The following BTRC variants were observed in gnomAD, a reference collection of about 807,000 sequenced individuals.
BTRC encodes beta-transducin repeat containing E3 ubiquitin protein ligase.
A neutral mutation model predicts 85.5 loss-of-function variants in BTRC; 42 were observed. The observed-to-expected ratio is 0.49, with a 90% CI of 0.38 to 0.64. The LOEUF (loss-of-function observed/expected upper bound fraction) is 0.64, where lower values mean the gene tolerates loss of function less well. BTRC is among the 30% of genes least tolerant of loss of function. The pLI is 0.00. For synonymous variants in BTRC, 255 were observed against 263.3 expected (o/e 0.97, Z 0.30); for missense variants, 594 against 743.5 (o/e 0.80, Z 2.34).
rs1038550966 is a variant in BTRC, at chr10:101,521,956, C to A, written c.556+86C>A. ...CAGCTATATATCTCTCTTTAAAAGTCTTTATTGGCTTGATTTTTACAAATT... is the reference window on the plus strand; with the variant it reads ...CAGCTATATATCTCTCTTTAAAAGTATTTATTGGCTTGATTTTTACAAATT... On this transcript the variant is annotated intron_variant, in intron 5 of 14. Transcript: ENST00000370187. 7.3e-6 allele frequency: 5 copies of A among 684,598 alleles called. No individual in the cohort carries two copies. In the Admixed American group the frequency reaches 1.5e-4, roughly 21 times the overall value. The allele number at this position is 684,598 out of a possible 1,614,324, so 42.4% of individuals were successfully genotyped here.
chr10:101,439,592 T>A (rs985118400), intron 2 of BTRC, among the ~76,000 whole-genome samples: 1 of 152,210 alleles, frequency 6.6e-6, no homozygotes, highest in Non-Finnish European at 1.5e-5. Flanking sequence ...TGTTTGCAGT[T>A]CATTCCTTTC....
chr10:101,396,435 A>G (rs1943364641), intron 1 of BTRC, among the ~76,000 whole-genome samples: 2 of 146,636 alleles, frequency 1.4e-5, no homozygotes, highest in South Asian at 4.3e-4. Context: ...TGGTAGAGAC[A>G]TGGTCTCACT....
intron 2 of BTRC, among the ~76,000 whole-genome samples, chr10:101,444,494 A>T (rs562675532): frequency 4.8e-4 from 73 of 152,256 alleles, no homozygotes; most frequent in African/African-American, 1.7e-3. Flanking sequence ...TTTTTCACAG[A>T]GTGTGGTAAC....
At chr10:101,418,699 A>G (rs1018719419) in intron 1 of BTRC, among the ~76,000 whole-genome samples, 5 of 151,656 alleles carry the variant, frequency 3.3e-5, no homozygotes, top group Admixed American at 1.3e-4. Flanking sequence ...AACAAAAATT[A>G]TTATTATTAT....
chr10:101,550,525 G>A (rs559942532), intron 13 of BTRC, among the ~76,000 whole-genome samples, 174 bp from the exon 14 acceptor site: 22 of 152,102 alleles, frequency 1.4e-4, no homozygotes, highest in African/African-American at 4.6e-4. Flanking sequence ...CTCGTGATCC[G>A]CATGCCTCAG....
Position 101,385,618 on chromosome 10 carries a change from C to CTTTTTTTTTTTTTTTTTTTTTTTTTT in BTRC, c.48+31405_48+31406insTTTTTTTTTTTTTTTTTTTTTTTTTT, listed in dbSNP as rs36030307. The stretch of plus-strand genomic sequence containing the variant: ...TCTTTGTTCTTTCTTTCTTCTTCTT[C>CTTTTTTTTTTTTTTTTTTTTTTTTTT]TTTTTTTTTTTTTTTGTGTGTTCTT... On this transcript the variant is annotated intron_variant, in intron 1 of 14. Transcript: ENST00000370187. Among the ~76,000 whole-genome samples, 69 of 79,766 alleles carry CTTTTTTTTTTTTTTTTTTTTTTTTTT rather than the reference C, an allele frequency of 8.7e-4. 1 individual carries two copies. Among genetic ancestry groups the CTTTTTTTTTTTTTTTTTTTTTTTTTT allele is most frequent in the Middle Eastern group, 8.6e-3 (1 of 116 alleles). 52.3% of individuals were successfully genotyped at this position (79,766 alleles called of 152,430 possible). A position where few individuals can be genotyped will look rare whatever the true frequency, so the allele number is the denominator to read the frequency against.
At chr10:101,502,784 A>G (rs1047478543) in intron 4 of BTRC, among the ~76,000 whole-genome samples, 2 of 152,198 alleles carry the variant, frequency 1.3e-5, no homozygotes, top group Admixed American at 6.5e-5. Flanking sequence ...GCTGTTATAT[A>G]GATACTGAAA....
chr10:101,496,560 C>T lies in BTRC; in HGVS notation c.324+17103C>T, dbSNP rs188011094. ...CCTCCCAAAGTGCTGGAATTACTGACTTTTTTTAAAATTGCAATTTAAAAA... is the reference window on the plus strand; with the variant it reads ...CCTCCCAAAGTGCTGGAATTACTGATTTTTTTTAAAATTGCAATTTAAAAA... On this transcript the variant is annotated intron_variant, in intron 4 of 14. Coordinates refer to ENST00000370187, the MANE Select transcript of BTRC (RefSeq NM_033637.4). Among the ~76,000 whole-genome samples, 67 of 152,132 alleles carry T rather than the reference C, an allele frequency of 4.4e-4. 1 individual carries two copies. Among genetic ancestry groups the T allele is most frequent in the Non-Finnish European group, 2.9e-5 (2 of 68,014 alleles).
intron 1 of BTRC, among the ~76,000 whole-genome samples, chr10:101,426,932 C>T (rs1372616905): frequency 1.3e-5 from 2 of 151,906 alleles, no homozygotes; most frequent in Non-Finnish European, 2.9e-5. Context: ...GATTTTCTTC[C>T]ACTATTTCCT....
intron 1 of BTRC, among the ~76,000 whole-genome samples, chr10:101,423,160 C>A (rs1944153274): frequency 6.6e-6 from 1 of 152,088 alleles, no homozygotes; most frequent in African/African-American, 2.4e-5. Flanking sequence ...GCAGTCCTCC[C>A]ACCTTGGCCT....
At chr10:101,397,803 T>A (rs541808340) in intron 1 of BTRC, among the ~76,000 whole-genome samples, 2 of 152,330 alleles carry the variant, frequency 1.3e-5, no homozygotes, top group East Asian at 3.8e-4. Flanking sequence ...TGGTAAGGCA[T>A]CACATGCAGC....
chr10:101,477,700 A>C (rs990370998), intron 3 of BTRC, among the ~76,000 whole-genome samples: 36 of 152,014 alleles, frequency 2.4e-4, no homozygotes, highest in Middle Eastern at 3.4e-3. Context: ...CCCAGGCTGG[A>C]GTGCAGTGGC....
chr10:101,479,608 T>C, intron 4 of BTRC, 151 bp downstream of exon 4: 3 of 531,372 alleles, frequency 5.6e-6, no homozygotes, highest in Non-Finnish European at 9.5e-6. Flanking sequence ...TAGAACAGAT[T>C]GCAAGTTAGA....
At chr10:101,413,096 A>G (rs1943827021) in intron 1 of BTRC, among the ~76,000 whole-genome samples, 1 of 152,152 alleles carries the variant, frequency 6.6e-6, no homozygotes, top group African/African-American at 2.4e-5. Context: ...TTATTAACAT[A>G]AATGAGGGAA....
intron 3 of BTRC, among the ~76,000 whole-genome samples, chr10:101,477,899 C>T (rs879794602): frequency 9.9e-5 from 15 of 152,124 alleles, no homozygotes; most frequent in South Asian, 4.1e-4. Flanking sequence ...ATCTTCCCAC[C>T]TCGGCTTCCC....
intron 4 of BTRC, among the ~76,000 whole-genome samples, chr10:101,500,978 G>A (rs1162782586): frequency 3.3e-5 from 5 of 152,156 alleles, no homozygotes; most frequent in African/African-American, 1.2e-4. Context: ...TGGATCACCT[G>A]AGGTCAAGGA....
At chr10:101,446,981 A>G (rs1267032879) in intron 2 of BTRC, among the ~76,000 whole-genome samples, 1 of 124,078 alleles carries the variant, frequency 8.1e-6, no homozygotes, top group Non-Finnish European at 1.6e-5. Flanking sequence ...AGTCTGGGGC[A>G]TGAATACTGT....
chr10:101,525,687 C>G (rs1273063443), intron 5 of BTRC, among the ~76,000 whole-genome samples: 1 of 152,112 alleles, frequency 6.6e-6, no homozygotes, highest in African/African-American at 2.4e-5. Context: ...AGAACATCCC[C>G]TAGTGCTGAA....
chr10:101,467,937 C>T (rs1231409170), intron 3 of BTRC, among the ~76,000 whole-genome samples: 1 of 152,140 alleles, frequency 6.6e-6, no homozygotes, highest in Non-Finnish European at 1.5e-5. Flanking sequence ...ATGTAGGTCT[C>T]TTAAGTAAGA....
Sources: allele counts gnomAD v4.1 joint callset (sites outside exome capture counted in the v4.1 genomes callset), GRCh38; gene constraint gnomAD v4.1.1; transcripts MANE v1.5; gene names NCBI Gene and HGNC (gene_info 2026-07-23, HGNC 2026-07-21).